IQCM: variants seen among roughly 807,000 people sequenced by gnomAD.
IQCM encodes IQ motif containing M.
IQCM carries 45 observed loss-of-function variants against 57.6 expected under a neutral mutation model. The ratio of observed to expected loss-of-function variants is 0.78; its 90% CI spans 0.62 to 1.00. IQCM has a LOEUF of 1.00. IQCM is among the 50% of genes least tolerant of loss of function. The pLI is 0.00. For synonymous variants in IQCM, 148 were observed against 158.9 expected (o/e 0.93, Z 0.51); for missense variants, 468 against 511.6 (o/e 0.91, Z 0.82).
At chr4:149,355,998 T>C (rs949226256) in intron 13 of IQCM, among the ~76,000 whole-genome samples, 15 of 152,252 alleles carry the variant, frequency 9.9e-5, no homozygotes, top group African/African-American at 3.4e-4. Context: ...TGGCCAGTGA[T>C]GATGAACATT....
At chr4:149,716,359 G>A (rs1159262542) in intron 5 of IQCM, among the ~76,000 whole-genome samples, 1 of 152,200 alleles carries the variant, frequency 6.6e-6, no homozygotes, top group Non-Finnish European at 1.5e-5. Context: ...CCACAACTTT[G>A]CTCCAAAATT....
intron 9 of IQCM, among the ~76,000 whole-genome samples, chr4:149,586,310 T>A (rs1480062074): frequency 6.6e-6 from 1 of 151,670 alleles, no homozygotes; most frequent in Non-Finnish European, 1.5e-5. Context: ...CATTCAGATT[T>A]TCTATTTCTT....
At chr4:149,515,034 G>A (rs1744798499) in intron 12 of IQCM, among the ~76,000 whole-genome samples, 1 of 151,092 alleles carries the variant, frequency 6.6e-6, no homozygotes, top group African/African-American at 2.4e-5. Context: ...GTGATTGTGT[G>A]AGTTAATACT....
At chr4:149,712,194 T>C (rs1288697423) in intron 5 of IQCM, among the ~76,000 whole-genome samples, 2 of 152,164 alleles carry the variant, frequency 1.3e-5, no homozygotes, top group African/African-American at 4.8e-5. Context: ...ACACACATGC[T>C]GTGACAGAAT....
intron 2 of IQCM, among the ~76,000 whole-genome samples, chr4:149,743,980 G>A (rs1017912286): frequency 5.9e-5 from 9 of 152,084 alleles, no homozygotes; most frequent in African/African-American, 1.9e-4. Context: ...TGGCAGACTC[G>A]ACTAACAAAC....
At chr4:149,426,763 G>A (rs1000479142) in intron 13 of IQCM, among the ~76,000 whole-genome samples, 1 of 151,948 alleles carries the variant, frequency 6.6e-6, no homozygotes, top group African/African-American at 2.4e-5. Flanking sequence ...GCTTACCCAA[G>A]GGAGAGCAAG....
At chr4:149,456,378 T>A (rs546827440) in intron 12 of IQCM, among the ~76,000 whole-genome samples, 13 of 152,250 alleles carry the variant, frequency 8.5e-5, no homozygotes, top group African/African-American at 3.1e-4. Flanking sequence ...CTAATTTTTT[T>A]AAATTTTGGA....
chr4:149,559,016 T>C (rs1749861473), intron 10 of IQCM, among the ~76,000 whole-genome samples: 1 of 152,104 alleles, frequency 6.6e-6, no homozygotes, highest in Non-Finnish European at 1.5e-5. Flanking sequence ...CCCTTTCCCT[T>C]AAATTCCACA....
At chr4:149,727,386 C>T (rs1766046047) in intron 5 of IQCM, among the ~76,000 whole-genome samples, 1 of 152,102 alleles carries the variant, frequency 6.6e-6, no homozygotes, top group Non-Finnish European at 1.5e-5. Context: ...AAGAGTCATC[C>T]TTCATGCTGT....
At chr4:149,788,666 G>T (rs1331874369) in intron 2 of IQCM, among the ~76,000 whole-genome samples, 2 of 152,126 alleles carry the variant, frequency 1.3e-5, no homozygotes, top group Non-Finnish European at 2.9e-5. Context: ...AGGAAATGAA[G>T]TAAGTATATC....
At chr4:149,787,011 A>G (rs1048434349) in intron 2 of IQCM, among the ~76,000 whole-genome samples, 3 of 152,220 alleles carry the variant, frequency 2.0e-5, no homozygotes, top group African/African-American at 7.2e-5. Flanking sequence ...AAAAGGAATG[A>G]TATCATGTCC....
intron 7 of IQCM, among the ~76,000 whole-genome samples, chr4:149,634,750 C>T (rs768363465): frequency 6.6e-6 from 1 of 152,140 alleles, no homozygotes; most frequent in Non-Finnish European, 1.5e-5. Context: ...AGAACAATTA[C>T]TATATATTAG....
intron 13 of IQCM, among the ~76,000 whole-genome samples, chr4:149,381,717 C>T (rs763987823): frequency 1.4e-5 from 2 of 146,596 alleles, no homozygotes; most frequent in South Asian, 2.2e-4. Flanking sequence ...CTCTTTCCCC[C>T]ATAGTATGTA....
chr4:149,358,884 C>CTCTCATGAGTATATCATGATAT, intron 13 of IQCM, among the ~76,000 whole-genome samples: 1 of 80,094 alleles, frequency 1.2e-5, no homozygotes, highest in East Asian at 3.0e-4. Context: ...ATCATGAGAC[C>CTCTCATGAGTATATCATGATAT]ACAGTGGAGA....
chr4:149,583,368 G>A lies in IQCM; in HGVS notation c.749+4562C>T, dbSNP rs550826189. On this transcript the variant is annotated intron_variant, in intron 9 of 13. Coordinates refer to ENST00000636793, the MANE Select transcript of IQCM (RefSeq NM_001363507.2). ...TAAAAATATGAAAGGCTGATGACCA[G>A]CCTCTGAACTTATCACAATCACAAA... Among the ~76,000 whole-genome samples the A allele has an allele frequency of 1.2e-4, 18 of 151,632 alleles. No individual in the cohort carries two copies. In the South Asian group the frequency reaches 2.3e-3, roughly 19 times the overall value.
chr4:149,765,837 C>A lies in IQCM; in HGVS notation c.-48-23098G>T, dbSNP rs564377545. The stretch of plus-strand genomic sequence containing the variant: ...TTTGCATTCTAGCAACGGACTGAAA[C>A]CACCCAGATCCATGACTCATACCAA... On this transcript the variant is annotated intron_variant, in intron 2 of 13. Coordinates refer to ENST00000636793, the MANE Select transcript of IQCM (RefSeq NM_001363507.2). 1.3e-4 allele frequency among the ~76,000 whole-genome samples: 20 copies of A among 152,104 alleles called. No homozygotes were observed. In the South Asian group the frequency reaches 4.2e-3, roughly 32 times the overall value.
chr4:149,589,151 A>G (rs1752897711), intron 8 of IQCM, among the ~76,000 whole-genome samples: 2 of 151,962 alleles, frequency 1.3e-5, no homozygotes, highest in African/African-American at 4.8e-5. Flanking sequence ...CTTCCAGGAC[A>G]ATTTTTGTAT....
Position 149,597,855 on chromosome 4 carries a change from T to C in IQCM, c.682-9858A>G, listed in dbSNP as rs148965000. Among the ~76,000 whole-genome samples the C allele has an allele frequency of 9.2e-5, 14 of 152,144 alleles. No homozygotes were observed. The East Asian group carries it at 2.7e-3, about 29-fold the overall frequency. On this transcript the variant is annotated intron_variant, in intron 8 of 13. Coordinates refer to ENST00000636793, the MANE Select transcript of IQCM (RefSeq NM_001363507.2). ...GAAGCCCAACAAAAATGGAGAATAG[T>C]TCAAAATAAACTACACTTACACACC...
chr4:149,656,434 C>T (rs1042694389), intron 7 of IQCM, among the ~76,000 whole-genome samples: 11 of 151,974 alleles, frequency 7.2e-5, no homozygotes, highest in Admixed American at 2.6e-4. Flanking sequence ...GATAGCTGAC[C>T]ATAGAATTAA....
Sources: gnomAD v4.1 joint callset for allele counts (sites outside exome capture counted in the v4.1 genomes callset) on GRCh38, gnomAD v4.1.1 for gene constraint, MANE v1.5 for transcripts, NCBI Gene and HGNC (gene_info 2026-07-23, HGNC 2026-07-21) for gene names.